MAX: variants seen among roughly 807,000 people sequenced by gnomAD.
MAX encodes the protein protein max.
A neutral mutation model predicts 22.3 loss-of-function variants in MAX; 3 were observed. The observed-to-expected ratio is 0.13, with a 90% confidence interval of 0.06 to 0.35. The LOEUF (loss-of-function observed/expected upper bound fraction) is 0.35. MAX is among the 10% of genes least tolerant of loss of function. The pLI is 1.00. For synonymous variants in MAX, 72 were observed against 77.7 expected (o/e 0.93, Z 0.39); for missense variants, 119 against 209.4 (o/e 0.57, Z 2.66).
chr14:65,080,693 T>A (rs964434918), intron 3 of MAX, among the ~76,000 whole-genome samples: 1 of 152,212 alleles, frequency 6.6e-6, no homozygotes, highest in Non-Finnish European at 1.5e-5. Context: ...ATCCCTCTAT[T>A]TAAATTTGCC....
In MAX at chr14:65,084,162, G is replaced by T; in HGVS notation, c.172-6126C>A. ...CCAGGAGTAAGACATTTGTGTAAGG[G>T]GTCAAAACAATCATTTTTTAAATCT... is the stretch of plus-strand genomic sequence containing the variant. On this transcript the variant is annotated intron_variant, in intron 3 of 4. Transcript: ENST00000358664. The surrounding 1 kb of genome is among the most constrained non-coding windows in gnomAD (Gnocchi z 4.3). 2.5e-6 allele frequency: 4 copies of T among 1,612,938 alleles called. No homozygotes were observed. Among genetic ancestry groups the T allele is most frequent in the Non-Finnish European group, 2.5e-6 (3 of 1,179,242 alleles).
intron 3 of MAX, among the ~76,000 whole-genome samples, chr14:65,086,971 G>A (rs1439068495): frequency 3.3e-5 from 5 of 152,190 alleles, no homozygotes; most frequent in Non-Finnish European, 7.3e-5. Flanking sequence ...TAGGGACTTG[G>A]TGCCCTGCAT....
At chr14:65,037,947 T>C (rs926228291) in intron 3 of MAX, among the ~76,000 whole-genome samples, 3 of 151,562 alleles carry the variant, frequency 2.0e-5, no homozygotes, top group African/African-American at 7.3e-5. Flanking sequence ...ACCCAGCTAA[T>C]TTTTACGGGG....
At chr14:65,098,198 A>G (rs1446283720) in intron 2 of MAX, among the ~76,000 whole-genome samples, 1 of 152,212 alleles carries the variant, frequency 6.6e-6, no homozygotes, top group Non-Finnish European at 1.5e-5. Context: ...ATTTGTTATC[A>G]CTGTAAGCAT....
At chr14:65,060,217 C>T (rs992386300) in intron 3 of MAX, among the ~76,000 whole-genome samples, 2 of 148,808 alleles carry the variant, frequency 1.3e-5, no homozygotes, top group African/African-American at 4.9e-5. Context: ...AAATGAAAAA[C>T]AATCATATCA....
rs1595052285 is a variant in MAX at position 65,027,279 on chromosome 14, G to C, written c.172-20995C>G. 5 of 970,334 alleles carry C rather than the reference G, an allele frequency of 5.2e-6. No individual in the cohort carries two copies. The East Asian group carries it at 1.2e-4, about 24-fold the overall frequency. The allele number at this position is 970,334 out of a possible 1,614,324, so 60.1% of individuals were successfully genotyped here. A position where few individuals can be genotyped will look rare whatever the true frequency, so the allele number is the denominator to read the frequency against. ...GGGCAGACAGAAATGATGATAGCTG[G>C]AGAGAGAATTAAGCCCTTTGGGGAG... On this transcript the variant is annotated intron_variant, in intron 3 of 3. Coordinates refer to the MAX transcript ENST00000341653. The surrounding 1 kb of genome is among the most constrained non-coding windows in gnomAD (Gnocchi z 5.7).
At chr14:65,021,105 A>C (rs1250717899) in intron 3 of MAX, among the ~76,000 whole-genome samples, 1 of 152,236 alleles carries the variant, frequency 6.6e-6, no homozygotes. Context: ...TTTTGGAACT[A>C]GACTAAGTAC....
Position 65,027,891 on chromosome 14 carries a change from A to G in MAX, c.172-21607T>C. On this transcript the variant is annotated intron_variant, in intron 3 of 3. Coordinates refer to the MAX transcript ENST00000341653. The surrounding 1 kb of genome is among the most constrained non-coding windows in gnomAD (Gnocchi z 5.7). ...TGGGGAAGCTGCTGCTTTGTCCCAG[A>G]ATGACACATGGGATGACATGTCAGT... 7.1e-7 allele frequency: 1 copy of G among 1,399,258 alleles called. No individual in the cohort carries two copies. 86.7% of individuals were successfully genotyped at this position (1,399,258 alleles called of 1,614,324 possible).
chr14:65,033,495 GTCTTAGATACGTGTATGTTCTATA>G (rs2062126097), intron 3 of MAX, among the ~76,000 whole-genome samples: 1 of 152,162 alleles, frequency 6.6e-6, no homozygotes, highest in Non-Finnish European at 1.5e-5. Context: ...TCTAAGCTAG[GTCTTAGATACGTGTATGTTCTATA>G]TTTTGTTTGC....
chr14:65,051,582 A>G (rs774377912), intron 3 of MAX, among the ~76,000 whole-genome samples: 3 of 151,870 alleles, frequency 2.0e-5, no homozygotes, highest in African/African-American at 4.8e-5. Flanking sequence ...TTGCCCTCCA[A>G]CCTGGGCAAC....
Position 65,075,660 on chromosome 14 carries a change from T to G in MAX, c.*816A>C. ...GCAGGAAATAAATATCAAAACATCA[T>G]CACTGGCCCTCAATACAAAACCTCT... On this transcript the variant is annotated 3_prime_UTR_variant, in exon 5 of 5. Transcript: ENST00000358664. The surrounding 1 kb of genome is among the most constrained non-coding windows in gnomAD (Gnocchi z 4.1). The G allele has an allele frequency of 1.9e-6, 2 of 1,066,386 alleles. No individual in the cohort carries two copies. Among genetic ancestry groups the G allele is most frequent in the Non-Finnish European group, 2.3e-6 (2 of 879,776 alleles). The allele number at this position is 1,066,386 out of a possible 1,614,324, so 66.1% of individuals were successfully genotyped here.
chr14:65,076,218 T>G lies in MAX; in HGVS notation c.*258A>C. 7.1e-7 allele frequency: 1 copy of G among 1,415,616 alleles called. No individual in the cohort carries two copies. The highest frequency in any genetic ancestry group is 9.2e-7 in the Non-Finnish European group (1 of 1,089,582). The allele number at this position is 1,415,616 out of a possible 1,614,324, so 87.7% of individuals were successfully genotyped here. The stretch of plus-strand genomic sequence containing the variant: ...CACAGAAAAAGCTGCCAAGTTGGGG[T>G]GTTTTGGTTTAAAAATTCCTGTTGG... On this transcript the variant is annotated 3_prime_UTR_variant, in exon 5 of 5. Transcript: ENST00000358664. The surrounding 1 kb of genome is among the most constrained non-coding windows in gnomAD (Gnocchi z 6.6).
chr14:65,037,330 C>T (rs1041776157), intron 3 of MAX, among the ~76,000 whole-genome samples: 1 of 143,738 alleles, frequency 7.0e-6, no homozygotes, highest in African/African-American at 2.6e-5. Flanking sequence ...TCTCGAACTC[C>T]TGACCTCAAG....
In MAX at chr14:65,082,605, A is replaced by G. The variant is rs966895418; in HGVS notation, c.172-4569T>C. On this transcript the variant is annotated intron_variant, in intron 3 of 4. Coordinates refer to ENST00000358664, the MANE Select transcript of MAX (RefSeq NM_002382.5). This position sits in a 1 kb window ranked among gnomAD's most constrained non-coding sequence, Gnocchi z 4.8. ...ACAGCAAGACACTTGGGCTCTATAA[A>G]AAAATCAAAAGATTAGCTGGGCATG... is the stretch of plus-strand genomic sequence containing the variant. Among the ~76,000 whole-genome samples the G allele has an allele frequency of 9.9e-5, 15 of 152,104 alleles. No individual in the cohort carries two copies. Among genetic ancestry groups the G allele is most frequent in the African/African-American group, 3.6e-4 (15 of 41,420 alleles).
intron 3 of MAX, among the ~76,000 whole-genome samples, chr14:65,048,177 A>G (rs1353657643): frequency 6.6e-6 from 1 of 151,692 alleles, no homozygotes; most frequent in Non-Finnish European, 1.5e-5. Flanking sequence ...GAGACAGGAT[A>G]TGACTATGTT....
In MAX at chr14:65,041,064, G is replaced by A. The variant is rs555300121; in HGVS notation, c.172-34780C>T. The A allele has an allele frequency of 3.9e-5, 54 of 1,370,068 alleles. No homozygotes were observed. In the African/African-American group the frequency reaches 6.7e-4, roughly 17 times the overall value. 84.9% of individuals were successfully genotyped at this position (1,370,068 alleles called of 1,614,324 possible). ...TCCAACACAGAGGAAGGAGTGAGCA[G>A]CTGCTCTGTCTTGGCTCCCCCTTCT... On this transcript the variant is annotated intron_variant, in intron 3 of 3. Transcript: ENST00000341653.
chr14:65,096,852 C>A (rs1177868976), intron 2 of MAX, among the ~76,000 whole-genome samples: 1 of 152,068 alleles, frequency 6.6e-6, no homozygotes, highest in Non-Finnish European at 1.5e-5. Context: ...TCTAGGAGAC[C>A]ACAGAGGTAT....
downstream of MAX, among the ~76,000 whole-genome samples, chr14:65,074,214 T>C (rs1011345836): frequency 1.3e-5 from 2 of 152,244 alleles, no homozygotes; most frequent in Non-Finnish European, 2.9e-5. Flanking sequence ...ATGTTAACCT[T>C]GAGGGCTTTA....
In MAX at chr14:65,063,290, T is replaced by C. The variant is rs142938850; in HGVS notation, c.171+30418A>G. ...TTGAAATGCATCCTTTCCATCACTATAACAAAAGGCAAAATCCTCTCAGCA... is the reference window on the plus strand; with the variant it reads ...TTGAAATGCATCCTTTCCATCACTACAACAAAAGGCAAAATCCTCTCAGCA... On this transcript the variant is annotated intron_variant, in intron 3 of 3. Transcript: ENST00000341653. 7.6e-3 allele frequency among the ~76,000 whole-genome samples: 1,151 copies of C among 152,312 alleles called. 5 individuals carry two copies. The highest frequency in any genetic ancestry group is 0.011 in the Non-Finnish European group (767 of 68,020).
Sources: gnomAD v4.1 joint callset for allele counts (sites outside exome capture counted in the v4.1 genomes callset) on GRCh38, gnomAD v4.1.1 for gene constraint, Gnocchi (gnomAD v3.1) non-coding constraint, MANE v1.5 for transcripts, NCBI Gene and HGNC (gene_info 2026-07-23, HGNC 2026-07-21) for gene names.